STXBP5L: variants seen among roughly 807,000 people sequenced by gnomAD.
STXBP5L encodes syntaxin-binding protein 5-like.
Under a neutral mutation model 144.5 loss-of-function variants are expected in STXBP5L, and 65 were observed. The observed-to-expected ratio is 0.45, with a 90% CI of 0.37 to 0.55. The LOEUF (loss-of-function observed/expected upper bound fraction) is 0.55, where lower values mean the gene tolerates loss of function less well. Ranked by LOEUF, STXBP5L falls within the 20% of genes least tolerant of loss-of-function variation. The pLI is 0.00. For missense variants in STXBP5L, 1,298 were observed against 1,405.5 expected (o/e 0.92, Z 1.22); for synonymous variants, 505 against 469.6 (o/e 1.08, Z -0.97).
At chr3:121,160,305 C>T (rs2046274551) in intron 9 of STXBP5L, among the ~76,000 whole-genome samples, 1 of 152,080 alleles carries the variant, frequency 6.6e-6, no homozygotes, top group Admixed American at 6.5e-5. Flanking sequence ...GCATCCATTA[C>T]ATATCCTATA....
chr3:120,951,394 C>G (rs1484252056), intron 2 of STXBP5L, among the ~76,000 whole-genome samples: 3 of 152,052 alleles, frequency 2.0e-5, no homozygotes, highest in Non-Finnish European at 4.4e-5. Flanking sequence ...AAAATTTTCG[C>G]AACCTACTCA....
chr3:121,143,364 A>G (rs939529576), intron 7 of STXBP5L, among the ~76,000 whole-genome samples: 4 of 151,746 alleles, frequency 2.6e-5, no homozygotes, highest in Non-Finnish European at 5.9e-5. Flanking sequence ...AAACTAGACA[A>G]ATATATCACA....
intron 22 of STXBP5L, among the ~76,000 whole-genome samples, chr3:121,392,372 G>A (rs527702709): frequency 5.9e-5 from 9 of 152,048 alleles, no homozygotes; most frequent in Non-Finnish European, 1.3e-4. Flanking sequence ...AGGTGACAAT[G>A]CCCCACCCTG....
chr3:121,187,219 C>T lies in STXBP5L; in HGVS notation c.878-18704C>T, dbSNP rs528081950. ...ATGTACACCATGGAATACTATGCAG[C>T]CATAAAAAATGATGAGTTCATGTCC... On this transcript the variant is annotated intron_variant, in intron 9 of 26. Transcript: ENST00000471454. 2.5e-3 allele frequency among the ~76,000 whole-genome samples: 380 copies of T among 152,084 alleles called. 2 individuals carry two copies. The highest frequency in any genetic ancestry group is 8.6e-3 in the African/African-American group (357 of 41,480).
chr3:120,997,211 T>C (rs896922829), intron 3 of STXBP5L, among the ~76,000 whole-genome samples: 3 of 152,236 alleles, frequency 2.0e-5, no homozygotes, highest in Non-Finnish European at 4.4e-5. Context: ...TTTAGGTTGA[T>C]TCCATGTCTT....
At chr3:121,103,940 G>GA (rs144646758) in intron 5 of STXBP5L, among the ~76,000 whole-genome samples, 1,896 of 152,226 alleles carry the variant, frequency 0.012, 23 homozygotes, top group Non-Finnish European at 0.019. Context: ...GTAAGTGAAC[G>GA]AAAATAATAA....
At chr3:120,910,528 G>A (rs761756459) in intron 2 of STXBP5L, among the ~76,000 whole-genome samples, 13 of 151,830 alleles carry the variant, frequency 8.6e-5, no homozygotes, top group Non-Finnish European at 1.6e-4. Context: ...GCCCTTTTTT[G>A]AGTTGTCTTG....
At position 121,332,407 on chromosome 3, in the gene STXBP5L, C is replaced by CAA. The variant is rs201605873; in HGVS notation, c.2176+13883_2176+13884dup. On this transcript the variant is annotated intron_variant, in intron 20 of 26. Transcript: ENST00000471454. ...ACTTTTCTATAGAGATAGATATTTT[C>CAA]AAAAAAAAAAAAAAAAACCAGAACT... Among the ~76,000 whole-genome samples the CAA allele has an allele frequency of 1.7e-3, 143 of 86,522 alleles. 2 individuals are homozygous for CAA. The highest frequency in any genetic ancestry group is 7.9e-3 in the Admixed American group (72 of 9,140). 56.8% of individuals were successfully genotyped at this position (86,522 alleles called of 152,430 possible). A position where few individuals can be genotyped will look rare whatever the true frequency, so the allele number is the denominator to read the frequency against.
chr3:121,375,870 C>T (rs917081946), intron 20 of STXBP5L, among the ~76,000 whole-genome samples: 1 of 152,008 alleles, frequency 6.6e-6, no homozygotes, highest in Non-Finnish European at 1.5e-5. Context: ...ATTTGTATGA[C>T]CAAAGAAACA....
chr3:121,295,252 GTA>G (rs1553760020), intron 19 of STXBP5L, among the ~76,000 whole-genome samples: 1 of 152,098 alleles, frequency 6.6e-6, no homozygotes, highest in Non-Finnish European at 1.5e-5. Flanking sequence ...CAAAGCACAG[GTA>G]CAAGGACTGA....
At chr3:121,285,489 A>G (rs1388240588) in intron 19 of STXBP5L, among the ~76,000 whole-genome samples, 2 of 152,202 alleles carry the variant, frequency 1.3e-5, no homozygotes, top group African/African-American at 4.8e-5. Flanking sequence ...AATTATATCA[A>G]TGACTCTTTT....
At chr3:121,359,363 A>G (rs942028110) in intron 20 of STXBP5L, among the ~76,000 whole-genome samples, 10 of 152,062 alleles carry the variant, frequency 6.6e-5, no homozygotes, top group Admixed American at 5.2e-4. Context: ...GTAATTCCTT[A>G]TCAGAGGGGT....
intron 10 of STXBP5L, among the ~76,000 whole-genome samples, chr3:121,215,463 G>A (rs578073176): frequency 7.2e-4 from 110 of 152,264 alleles, no homozygotes; most frequent in African/African-American, 2.6e-3. Context: ...CACTTATGAA[G>A]CTTAGTTTGG....
At chr3:121,282,964 A>G (rs2051110746) in intron 19 of STXBP5L, among the ~76,000 whole-genome samples, 1 of 152,030 alleles carries the variant, frequency 6.6e-6, no homozygotes, top group African/African-American at 2.4e-5. Flanking sequence ...GAAGATATCT[A>G]GAGTAAGCAA....
Position 121,355,624 on chromosome 3 carries a change from G to T in STXBP5L, c.2177-23092G>T, listed in dbSNP as rs577153536. ...AAGGTTTTTAGCTTCCTTGTGATGG[G>T]TTCTAACCTGCTCCTTTAGCTCGGA... On this transcript the variant is annotated intron_variant, in intron 20 of 26. Coordinates refer to ENST00000471454, the MANE Select transcript of STXBP5L (RefSeq NM_001308330.2). Among the ~76,000 whole-genome samples, 3 of 152,126 alleles carry T rather than the reference G, an allele frequency of 2.0e-5. No individual in the cohort carries two copies. In the South Asian group the frequency reaches 6.2e-4, roughly 32 times the overall value.
chr3:121,302,146 G>C (rs2051940361), intron 19 of STXBP5L, among the ~76,000 whole-genome samples: 1 of 152,158 alleles, frequency 6.6e-6, no homozygotes, highest in East Asian at 1.9e-4. Context: ...TGTACCTCTG[G>C]TAGAATTCGG....
chr3:120,940,635 T>A (rs373825047), intron 2 of STXBP5L, among the ~76,000 whole-genome samples: 3 of 121,142 alleles, frequency 2.5e-5, no homozygotes, highest in Non-Finnish European at 3.5e-5. Flanking sequence ...GTCCTAGGGG[T>A]GGAAAAAAAA....
intron 3 of STXBP5L, among the ~76,000 whole-genome samples, chr3:121,020,293 G>A (rs1945453222): frequency 1.3e-5 from 2 of 152,148 alleles, no homozygotes; most frequent in African/African-American, 4.8e-5. Context: ...AAAAATATTG[G>A]TGTTCCCCAG....
chr3:121,257,833 G>A (rs895664183), intron 17 of STXBP5L, among the ~76,000 whole-genome samples: 2 of 152,190 alleles, frequency 1.3e-5, no homozygotes, highest in South Asian at 2.1e-4. Flanking sequence ...GCTGAGGCGG[G>A]ACAATCACTT....
Sources: gnomAD v4.1 joint callset for allele counts (sites outside exome capture counted in the v4.1 genomes callset) on GRCh38, gnomAD v4.1.1 for gene constraint, MANE v1.5 for transcripts, NCBI Gene and HGNC (gene_info 2026-07-23, HGNC 2026-07-21) for gene names.